PGCKA1: variants seen among roughly 807,000 people sequenced by gnomAD.
PGCKA1 encodes the protein PDCD10 and GCKIII kinases-associated protein 1.
the PGCKA1 span, chr4:37,590,451 A>G: frequency 1.2e-6 from 2 of 1,610,638 alleles, no homozygotes; most frequent in African/African-American, 2.7e-5. Flanking sequence ...CTGTTCCCCC[A>G]ACTCAACCCT....
the PGCKA1 span, among the ~76,000 whole-genome samples, chr4:37,514,032 T>G: frequency 1.3e-5 from 2 of 152,232 alleles, no homozygotes; most frequent in Admixed American, 6.5e-5. Flanking sequence ...ATTCATTGGC[T>G]TATGGTTTAG....
chr4:37,504,049 T>G, the PGCKA1 span, among the ~76,000 whole-genome samples: 2 of 152,202 alleles, frequency 1.3e-5, no homozygotes, highest in African/African-American at 4.8e-5. Flanking sequence ...GTTTCCCCAA[T>G]GTTTTCTTAT....
the PGCKA1 span, among the ~76,000 whole-genome samples, chr4:37,471,349 C>T: frequency 2.3e-4 from 32 of 137,578 alleles, no homozygotes; most frequent in African/African-American, 8.0e-4. Flanking sequence ...CCTAAGTTTT[C>T]ATTTGTTTAT....
the PGCKA1 span, among the ~76,000 whole-genome samples, chr4:37,583,915 A>G: frequency 6.6e-6 from 1 of 152,314 alleles, no homozygotes; most frequent in African/African-American, 2.4e-5. Context: ...CTGAATTCTT[A>G]CCTTTAAGCT....
chr4:37,499,849 G>T, the PGCKA1 span, among the ~76,000 whole-genome samples: 2 of 146,998 alleles, frequency 1.4e-5, no homozygotes, highest in Non-Finnish European at 3.0e-5. Flanking sequence ...TACCTTTGAG[G>T]TTACTTTGCT....
At chr4:37,590,386 G>A in the PGCKA1 span, 35 of 1,613,850 alleles carry the variant, frequency 2.2e-5, no homozygotes, top group Admixed American at 2.5e-4. Context: ...ACAGCCCACT[G>A]GGAATTCCAG....
the PGCKA1 span, chr4:37,590,202 C>A: frequency 6.2e-7 from 1 of 1,614,206 alleles, no homozygotes; most frequent in Non-Finnish European, 8.5e-7. Context: ...GCAGTGAAGT[C>A]TTGGTGCAGA....
the PGCKA1 span, among the ~76,000 whole-genome samples, chr4:37,474,521 A>G: frequency 2.0e-5 from 3 of 152,188 alleles, no homozygotes; most frequent in South Asian, 6.2e-4. Flanking sequence ...ATGAAGCCCA[A>G]ATAAAAGAGG....
the PGCKA1 span, among the ~76,000 whole-genome samples, chr4:37,567,352 A>G: frequency 1.3e-5 from 2 of 152,242 alleles, no homozygotes; most frequent in Admixed American, 1.3e-4. Flanking sequence ...GCTTATTGTG[A>G]TTAAGTACTG....
chr4:37,480,146 G>A, the PGCKA1 span, among the ~76,000 whole-genome samples: 12 of 152,312 alleles, frequency 7.9e-5, no homozygotes, highest in East Asian at 2.1e-3. Context: ...GAGTTAAAGA[G>A]GAAGGAAACA....
the PGCKA1 span, among the ~76,000 whole-genome samples, chr4:37,572,314 C>G: frequency 0.019 from 2,914 of 152,190 alleles, 87 homozygotes; most frequent in African/African-American, 0.064. Context: ...GATCCGCCCG[C>G]CTCGGCCTCC....
chr4:37,469,843 G>A, the PGCKA1 span, among the ~76,000 whole-genome samples: 1 of 152,184 alleles, frequency 6.6e-6, no homozygotes, highest in African/African-American at 2.4e-5. Flanking sequence ...CTCAAAGGTT[G>A]ATGTTCTCCA....
the PGCKA1 span, chr4:37,590,648 A>G: frequency 2.5e-6 from 4 of 1,614,052 alleles, no homozygotes; most frequent in Admixed American, 3.3e-5. Flanking sequence ...GCTGGAGACA[A>G]CGTTGATCAT....
chr4:37,473,565 C>T, the PGCKA1 span, among the ~76,000 whole-genome samples: 66 of 152,264 alleles, frequency 4.3e-4, no homozygotes, highest in South Asian at 0.013. Flanking sequence ...GATCTCAATT[C>T]AAGGAAAATA....
At chr4:37,477,820 T>G in the PGCKA1 span, among the ~76,000 whole-genome samples, 4 of 152,182 alleles carry the variant, frequency 2.6e-5, no homozygotes, top group Non-Finnish European at 5.9e-5. Context: ...GGTTTTTTTC[T>G]AATTCTAAAA....
At chr4:37,499,214 G>T in the PGCKA1 span, among the ~76,000 whole-genome samples, 104 of 152,296 alleles carry the variant, frequency 6.8e-4, no homozygotes, top group African/African-American at 2.5e-3. Flanking sequence ...TATGCTGCTG[G>T]ATTGGGTTTG....
At chr4:37,475,947 T>G in the PGCKA1 span, among the ~76,000 whole-genome samples, 4 of 150,622 alleles carry the variant, frequency 2.7e-5, no homozygotes, top group Non-Finnish European at 1.5e-5. Context: ...GTATTTTATT[T>G]TAAAATACAT....
At chr4:37,523,281 A>C in the PGCKA1 span, among the ~76,000 whole-genome samples, 1 of 151,902 alleles carries the variant, frequency 6.6e-6, no homozygotes, top group East Asian at 1.9e-4. Flanking sequence ...GAGTTCAGTG[A>C]CTCACAGTTG....
chr4:37,530,792 C>T, the PGCKA1 span, among the ~76,000 whole-genome samples: 2 of 151,932 alleles, frequency 1.3e-5, no homozygotes, highest in East Asian at 1.9e-4. Flanking sequence ...GCCTGGCCAA[C>T]GTGATGAAGC....
Sources: gnomAD v4.1 joint callset for allele counts (sites outside exome capture counted in the v4.1 genomes callset) on GRCh38, gnomAD v4.1.1 for gene constraint, MANE v1.5 for transcripts, NCBI Gene and HGNC (gene_info 2026-07-23, HGNC 2026-07-21) for gene names.